NCOR1: variants seen among roughly 807,000 people sequenced by gnomAD.
The protein encoded by NCOR1 is protein phosphatase 1, regulatory subunit 109.
A neutral mutation model predicts 288.1 loss-of-function variants in NCOR1; 63 were observed. That is an observed-to-expected ratio of 0.22 (90% CI 0.18 to 0.27). The LOEUF is 0.27. Ranked by LOEUF, NCOR1 falls within the 10% of genes least tolerant of loss-of-function variation. The pLI, the probability that NCOR1 is intolerant of heterozygous loss-of-function variation, is 1.00. For synonymous variants in NCOR1, 1,007 were observed against 1,065.9 expected (o/e 0.94, Z 1.08); for missense variants, 2,397 against 3,019.2 (o/e 0.79, Z 4.83).
At chr17:16,148,486 T>C (rs1169691450) in intron 9 of NCOR1, among the ~76,000 whole-genome samples, 1 of 151,884 alleles carries the variant, frequency 6.6e-6, no homozygotes, top group African/African-American at 2.4e-5. Flanking sequence ...CAGAATAATA[T>C]ATGGGACAGA....
intron 18 of NCOR1, among the ~76,000 whole-genome samples, chr17:16,113,996 T>G (rs1459107606): frequency 6.6e-6 from 1 of 152,102 alleles, no homozygotes; most frequent in Non-Finnish European, 1.5e-5. Context: ...ATGTATTAGT[T>G]CATTTTCACG....
intron 44 of NCOR1, among the ~76,000 whole-genome samples, chr17:16,035,530 CT>C (rs966987249): frequency 0.036 from 4,252 of 118,292 alleles, 167 homozygotes; most frequent in African/African-American, 0.1. Context: ...TTCTCTTGTT[CT>C]TTTTTTTTTT....
At chr17:16,060,727 A>C (rs2060463701) in intron 37 of NCOR1, among the ~76,000 whole-genome samples, 1 of 152,184 alleles carries the variant, frequency 6.6e-6, no homozygotes, top group South Asian at 2.1e-4. Context: ...CAGAAAGATG[A>C]TTATATATGA....
At chr17:16,091,313 A>C (rs1487847604) in intron 22 of NCOR1, among the ~76,000 whole-genome samples, 1 of 152,256 alleles carries the variant, frequency 6.6e-6, no homozygotes. Context: ...TTAACTTTAC[A>C]ACCACAGCAA....
chr17:16,068,357 C>T (rs1461510835), intron 31 of NCOR1: 8 of 488,928 alleles, frequency 1.6e-5, no homozygotes, highest in Non-Finnish European at 2.2e-5. Flanking sequence ...ATCATAGCAC[C>T]AGTATTTTAC....
Position 16,029,391 on chromosome 17 carries a change from A to AT in NCOR1, c.*2904dup, listed in dbSNP as rs1325373927. ...AATTGGTTAAAATCGTGTCATTAAAATTTTTTAACTGTCCAATGGTCACTG... is the reference window on the plus strand; with the variant it reads ...AATTGGTTAAAATCGTGTCATTAAAATTTTTTTAACTGTCCAATGGTCACTG... On this transcript the variant is annotated 3_prime_UTR_variant, in exon 46 of 46. Transcript: ENST00000268712. 7 of 334,040 alleles carry AT rather than the reference A, an allele frequency of 2.1e-5. No individual in the cohort carries two copies. The highest frequency in any genetic ancestry group is 8.2e-5 in the Admixed American group (2 of 24,424). 20.7% of individuals were successfully genotyped at this position (334,040 alleles called of 1,614,324 possible).
At chr17:16,196,131 T>C (rs868156092) in intron 1 of NCOR1, among the ~76,000 whole-genome samples, 4 of 149,156 alleles carry the variant, frequency 2.7e-5, no homozygotes, top group East Asian at 1.9e-4. Context: ...AATTATATAA[T>C]TGTATATATA....
chr17:16,109,095 TGTGTA>T (rs1314063307), intron 18 of NCOR1, among the ~76,000 whole-genome samples, 183 bp from the exon 19 acceptor site: 5 of 152,214 alleles, frequency 3.3e-5, no homozygotes, highest in African/African-American at 7.2e-5. Context: ...GGCCAAATTT[TGTGTA>T]GATGGCTCGC....
rs140950691 is a variant in NCOR1, at chr17:16,046,877, C to T, written c.6679+74G>A. On this transcript the variant is annotated intron_variant, in intron 42 of 45. Coordinates refer to ENST00000268712, the MANE Select transcript of NCOR1 (RefSeq NM_006311.4). Reference sequence around the variant, plus strand: ...AAAGAGCCTTCAAACTCAAGCATTACAGGAGAGGCAACACTGGAGATATCA... The same window carrying T: ...AAAGAGCCTTCAAACTCAAGCATTATAGGAGAGGCAACACTGGAGATATCA... 1,076 of 1,539,312 alleles carry T rather than the reference C, an allele frequency of 7.0e-4. 14 individuals are homozygous for T. The highest frequency in any genetic ancestry group is 1.5e-3 in the South Asian group (124 of 82,488).
intron 6 of NCOR1, among the ~76,000 whole-genome samples, chr17:16,156,176 C>A (rs1237992511): frequency 6.6e-6 from 1 of 152,092 alleles, no homozygotes; most frequent in Non-Finnish European, 1.5e-5. Flanking sequence ...TGGCTGACGC[C>A]TGTAATCCCA....
chr17:16,105,292 C>T (rs1249620182), intron 19 of NCOR1, among the ~76,000 whole-genome samples: 1 of 152,076 alleles, frequency 6.6e-6, no homozygotes, highest in Non-Finnish European at 1.5e-5. Context: ...TGGTACACGC[C>T]TATGGTCCCA....
intron 21 of NCOR1, among the ~76,000 whole-genome samples, chr17:16,096,976 T>G (rs1033353079): frequency 6.6e-6 from 1 of 152,268 alleles, no homozygotes. Flanking sequence ...TGGCACCTGC[T>G]AAGTATACCT....
In NCOR1 at chr17:16,162,569, A is replaced by C. The variant is rs529400322; in HGVS notation, c.618+2410T>G. On this transcript the variant is annotated intron_variant, in intron 5 of 45. Coordinates refer to ENST00000268712, the MANE Select transcript of NCOR1 (RefSeq NM_006311.4). Reference sequence around the variant, plus strand: ...AGAGAAAATTCACACTATCCATGAAAGAATACGGATTTAGACCAAGAGCTA... The same window carrying C: ...AGAGAAAATTCACACTATCCATGAACGAATACGGATTTAGACCAAGAGCTA... 1.6e-4 allele frequency among the ~76,000 whole-genome samples: 25 copies of C among 152,264 alleles called. No homozygotes were observed. In the East Asian group the frequency reaches 4.0e-3, roughly 25 times the overall value.
intron 1 of NCOR1, among the ~76,000 whole-genome samples, chr17:16,210,790 C>T (rs560654732): frequency 7.3e-5 from 11 of 151,198 alleles, no homozygotes; most frequent in South Asian, 2.1e-4. Flanking sequence ...AGTGCAGTGG[C>T]GCAATCTCGG....
At chr17:16,198,357 CAAAA>C (rs55993030) in intron 1 of NCOR1, 441 of 79,748 alleles carry the variant, frequency 5.5e-3, no homozygotes, top group African/African-American at 0.023. Context: ...GACTCCGTCT[CAAAA>C]AAAAAAAAAA....
chr17:16,032,061 A>G lies in NCOR1; in HGVS notation c.*235T>C, dbSNP rs1369031603. On this transcript the variant is annotated 3_prime_UTR_variant, in exon 46 of 46. Transcript: ENST00000268712. ...TAAAAACTCTACATCTCAACCCTCCACTATTATTATAGTCCACTGAATTGC... is the reference window on the plus strand; with the variant it reads ...TAAAAACTCTACATCTCAACCCTCCGCTATTATTATAGTCCACTGAATTGC... 4.2e-6 allele frequency: 2 copies of G among 477,930 alleles called. No homozygotes were observed. Among genetic ancestry groups the G allele is most frequent in the African/African-American group, 4.1e-5 (2 of 49,250 alleles). The allele number at this position is 477,930 out of a possible 1,614,324, so 29.6% of individuals were successfully genotyped here.
At chr17:16,129,781 T>C (rs577820232) in intron 14 of NCOR1, among the ~76,000 whole-genome samples, 1 of 152,324 alleles carries the variant, frequency 6.6e-6, no homozygotes, top group African/African-American at 2.4e-5. Context: ...GACGGGGACA[T>C]GTCAACTCAG....
chr17:16,145,610 C>G lies in NCOR1; in HGVS notation c.1082+766G>C, dbSNP rs1022696346. ...GCTGCCCAGTCTGAGACGTGAGGAG[C>G]CCCTCTGCCCGGCAGCCGCCCCGTC... On this transcript the variant is annotated intron_variant, in intron 10 of 45. Coordinates refer to ENST00000268712, the MANE Select transcript of NCOR1 (RefSeq NM_006311.4). Among the ~76,000 whole-genome samples, 40 of 150,594 alleles carry G rather than the reference C, an allele frequency of 2.7e-4. 1 individual carries two copies. Among genetic ancestry groups the G allele is most frequent in the Admixed American group, 1.6e-3 (24 of 15,198 alleles).
chr17:16,151,804 C>T, intron 8 of NCOR1, 142 bp downstream of exon 8: 4 of 895,320 alleles, frequency 4.5e-6, no homozygotes, highest in Non-Finnish European at 7.0e-6. Flanking sequence ...AGGAAGATAA[C>T]ATATAATAAA....
Sources: gnomAD v4.1 joint callset for allele counts (sites outside exome capture counted in the v4.1 genomes callset) on GRCh38, gnomAD v4.1.1 for gene constraint, MANE v1.5 for transcripts, NCBI Gene and HGNC (gene_info 2026-07-23, HGNC 2026-07-21) for gene names.